The following ABCA7 variants were observed in gnomAD, a reference collection of about 807,000 sequenced individuals.
ABCA7 encodes phospholipid-transporting ATPase ABCA7.
In ABCA7, 261 loss-of-function variants were observed where a neutral mutation model predicts 227.6. The observed-to-expected ratio is 1.15, with a 90% confidence interval of 1.04 to 1.27. The LOEUF is 1.27. ABCA7 is among the 50% of genes most tolerant of loss of function. ABCA7 has a pLI of 0.00. For synonymous variants in ABCA7, 1,488 were observed against 1,279.7 expected (o/e 1.16, Z -3.47); for missense variants, 3,331 against 2,924.5 (o/e 1.14, Z -3.21).
In ABCA7 at chr19:1,054,138, C is replaced by T; in HGVS notation, c.3577+28C>T. ...AAGTCCTTCCCAGTGGCCCTGGGGTCCTCCCAGCCACCCCCCCACAGCAGC... is the reference window on the plus strand; with the variant it reads ...AAGTCCTTCCCAGTGGCCCTGGGGTTCTCCCAGCCACCCCCCCACAGCAGC... On this transcript the variant is annotated intron_variant, in intron 26 of 46. Transcript: ENST00000263094. This position sits in a 1 kb window ranked among gnomAD's most constrained non-coding sequence, Gnocchi z 4.8. The T allele has an allele frequency of 6.2e-7, 1 of 1,612,552 alleles. No homozygotes were observed. The highest frequency in any genetic ancestry group is 8.5e-7 in the Non-Finnish European group (1 of 1,179,694).
rs530287459 is a variant in ABCA7 at position 1,063,854 on chromosome 19, C to G, written c.5942C>G (p.Thr1981Ser). The change falls in exon 44 of 47, where the codon ACC becomes AGC. Residue 1981 changes from threonine to serine, a missense_variant. Thr to Ser is a moderately conservative substitution (Grantham distance 58). Coordinates refer to ENST00000263094, the MANE Select transcript of ABCA7 (RefSeq NM_019112.4). The part of the protein sequence containing the change: ...VVREGRSVML[T>S]SHSMEECEAL... ...CGGGAGGGCCGTTCAGTGATGCTCACCTCCCATAGGTGGGCCGGGCTCTGA... is the reference window on the plus strand; with the variant it reads ...CGGGAGGGCCGTTCAGTGATGCTCAGCTCCCATAGGTGGGCCGGGCTCTGA... The G allele has an allele frequency of 1.3e-6, 2 of 1,536,090 alleles. No individual in the cohort carries two copies. Among genetic ancestry groups the G allele is most frequent in the Admixed American group, 3.9e-5 (2 of 50,808 alleles).
chr19:1,052,100 C>T lies in ABCA7; in HGVS notation c.3121C>T (p.Arg1041Cys), dbSNP rs749438093. 13 of 1,612,136 alleles carry T rather than the reference C, an allele frequency of 8.1e-6. No homozygotes were observed. Among genetic ancestry groups the T allele is most frequent in the East Asian group, 6.7e-5 (3 of 44,828 alleles). Residue 1041 changes from arginine (R) to cysteine (C), a missense_variant, in exon 22 of 47, where the codon CGC (arginine) becomes TGC (cysteine). By Grantham distance (180) the Arg-to-Cys change is radical. Coordinates refer to ENST00000263094, the MANE Select transcript of ABCA7 (RefSeq NM_019112.4). ...CTACTACCTGACGCTGGTGAAGGCC[C>T]GCCTGCCCCTGACCACCAATGAGAA... ...SGYYLTLVKA[R>C]LPLTTNEKAD...
chr19:1,058,314 C>G (rs1358445198), intron 37 of ABCA7, 45 bp downstream of exon 37: 1 of 1,607,912 alleles, frequency 6.2e-7, no homozygotes, highest in Admixed American at 1.7e-5. Flanking sequence ...AGATAGCTAG[C>G]ACCCTTGGAG....
intron 10 of ABCA7, 85 bp downstream of exon 10, chr19:1,043,926 G>A: frequency 5.4e-6 from 6 of 1,113,554 alleles, no homozygotes; most frequent in Non-Finnish European, 7.9e-6. Flanking sequence ...TGGGCTCCGT[G>A]CAGACCCCCA....
rs756103500 is a variant in ABCA7, at chr19:1,045,158, G to A, written c.1372G>A (p.Gly458Ser). Residue 458 changes from glycine (G) to serine (S), a missense_variant, in exon 12 of 47, where the codon GGC (glycine) becomes AGC (serine). Gly to Ser is a moderately conservative substitution (Grantham distance 56, BLOSUM62 0). Transcript: ENST00000263094. ...CACAGAGCACCCAACCCCAGACCTG[G>A]GCCCCGGCCACGTGCGCATCAAAAT... ...DPTEHPTPDL[G>S]PGHVRIKIRM... 12 of 1,612,934 alleles carry A rather than the reference G, an allele frequency of 7.4e-6. No homozygotes were observed. In the East Asian group the frequency reaches 2.7e-4, roughly 36 times the overall value.
At position 1,046,331 on chromosome 19, in the gene ABCA7, G is replaced by C. The variant is rs377020137; in HGVS notation, c.1547G>C (p.Arg516Pro). The change falls in exon 13 of 47, where the codon CGC becomes CCC. Residue 516 changes from arginine (R) to proline (P), a missense_variant. Transcript: ENST00000263094. Reference protein sequence around the residue: ...LQDLVERAAVRVLSGANPRAG... With the variant: ...LQDLVERAAVPVLSGANPRAG... ...GACCTGGTGGAGCGTGCAGCCGTCC[G>C]CGTGCTCAGCGGCGCCAACCCCCGG... The C allele has an allele frequency of 8.3e-5, 133 of 1,602,508 alleles. 1 individual carries two copies. The South Asian group carries it at 9.0e-4, about 11-fold the overall frequency.
chr19:1,042,447 G>A (rs1286194835), intron 6 of ABCA7, 50 bp downstream of exon 6: 1 of 1,602,642 alleles, frequency 6.2e-7, no homozygotes. Context: ...ACTGCACTGG[G>A]GATGTCCTGG....
intron 21 of ABCA7, 147 bp from the exon 22 acceptor site, chr19:1,051,795 G>C: frequency 8.3e-7 from 1 of 1,206,566 alleles, no homozygotes; most frequent in Non-Finnish European, 1.1e-6. Context: ...GGCCAGAAAA[G>C]GTTTCCAACA....
chr19:1,047,425 C>T lies in ABCA7; in HGVS notation c.2068-28C>T, dbSNP rs375087434. ...GATGGGGGACGCCCCCCGCTTCGGCCGCTCACTGACCGCCCGCTTTTCCGC... is the reference window on the plus strand; with the variant it reads ...GATGGGGGACGCCCCCCGCTTCGGCTGCTCACTGACCGCCCGCTTTTCCGC... On this transcript the variant is annotated intron_variant, in intron 15 of 46. Transcript: ENST00000263094. 5.9e-5 allele frequency: 91 copies of T among 1,537,388 alleles called. No homozygotes were observed. In the African/African-American group the frequency reaches 1.1e-3, roughly 19 times the overall value.
At chr19:1,042,561 G>A (rs1568225425) in intron 6 of ABCA7, 164 bp downstream of exon 6, 2 of 1,038,336 alleles carry the variant, frequency 1.9e-6, no homozygotes, top group South Asian at 2.6e-5. Context: ...GACAGAGTGT[G>A]TCTGACCCAG....
rs1568296996 is a variant in ABCA7, at chr19:1,048,965, C to A, written c.2340C>A (p.Pro780=). The change falls in exon 17 of 47, where the codon CCC becomes CCA. Residue 780 remains proline (P), a synonymous_variant. Coordinates refer to ENST00000263094, the MANE Select transcript of ABCA7 (RefSeq NM_019112.4). ...GCTACTGGTGCGGACCTCGGCCCCCCAAGAGTCCAGCCCCTTGCCCCACCC... is the reference window on the plus strand; with the variant it reads ...GCTACTGGTGCGGACCTCGGCCCCCAAAGAGTCCAGCCCCTTGCCCCACCC... ...RRSYWCGPRP[P]KSPAPCPTPL... 3 of 1,608,914 alleles carry A rather than the reference C, an allele frequency of 1.9e-6. No individual in the cohort carries two copies. The highest frequency in any genetic ancestry group is 3.4e-5 in the Admixed American group (2 of 59,600).
At position 1,063,790 on chromosome 19, in the gene ABCA7, G is replaced by A. The variant is rs532727754; in HGVS notation, c.5878G>A (p.Ala1960Thr). 13 of 1,547,008 alleles carry A rather than the reference G, an allele frequency of 8.4e-6. No individual in the cohort carries two copies. The Admixed American group carries it at 1.8e-4, about 21-fold the overall frequency. The change falls in exon 44 of 47, where the codon GCG becomes ACG. Residue 1960 changes from alanine to threonine, a missense_variant. Transcript: ENST00000263094. ...DEPTTGMDPS[A>T]RRFLWNSLLA... ...GCCGACCACAGGCATGGACCCCAGC[G>A]CGCGGCGCTTCCTTTGGAACAGCCT... is the stretch of plus-strand genomic sequence containing the variant.
intron 12 of ABCA7, 90 bp downstream of exon 12, chr19:1,045,321 AC>A: frequency 8.1e-7 from 1 of 1,236,924 alleles, no homozygotes; most frequent in Non-Finnish European, 1.1e-6. Context: ...CCTATTGGAG[AC>A]CATGATAGAC....
At chr19:1,047,046 C>A in intron 14 of ABCA7, 22 bp downstream of exon 14, 1 of 1,552,156 alleles carries the variant, frequency 6.4e-7, no homozygotes. Flanking sequence ...TCGGCCTGCC[C>A]GGCTGCAGAA....
chr19:1,041,848 C>A lies in ABCA7; in HGVS notation c.178C>A (p.Pro60Thr). 6.2e-7 allele frequency: 1 copy of A among 1,606,226 alleles called. No individual in the cohort carries two copies. The change falls in exon 4 of 47, where the codon CCA becomes ACA. Residue 60 changes from proline to threonine, a missense_variant. Transcript: ENST00000263094. ...EHHECHFPNK[P>T]LPSAGTVPWL... is the part of the protein sequence containing the mutation. ...CCCCGCAGGCCACTTCCCAAACAAG[C>A]CACTGCCATCGGCGGGCACCGTGCC...
At chr19:1,063,422 T>A (rs1417640897) in intron 42 of ABCA7, 122 bp from the exon 43 acceptor site, 14 of 1,367,850 alleles carry the variant, frequency 1.0e-5, no homozygotes, top group Non-Finnish European at 1.4e-5. Flanking sequence ...CATTCTCACA[T>A]TTGCCCTGCC....
chr19:1,050,959 C>T lies in ABCA7; in HGVS notation c.2591C>T (p.Ser864Phe). The change falls in exon 19 of 47, where the codon TCT becomes TTT. Residue 864 changes from serine to phenylalanine, a missense_variant. Coordinates refer to ENST00000263094, the MANE Select transcript of ABCA7 (RefSeq NM_019112.4). ...LSGLFPPSGG[S>F]AFILGHDVRS... ...GGCCTCTTCCCACCCAGTGGTGGCT[C>T]TGCCTTCATCCTGGGCCACGACGTC... 6.2e-7 allele frequency: 1 copy of T among 1,611,902 alleles called. No homozygotes were observed. The highest frequency in any genetic ancestry group is 8.5e-7 in the Non-Finnish European group (1 of 1,179,540).
chr19:1,042,434 G>C (rs747299748), intron 6 of ABCA7, 37 bp downstream of exon 6: 1 of 1,608,148 alleles, frequency 6.2e-7, no homozygotes, highest in Admixed American at 1.7e-5. Flanking sequence ...GACTTCCTGG[G>C]ACACTGCACT....
chr19:1,043,151 T>C lies in ABCA7; in HGVS notation c.690T>C (p.Pro230=), dbSNP rs746351667. The C allele has an allele frequency of 3.4e-5, 55 of 1,611,942 alleles. No individual in the cohort carries two copies. Among genetic ancestry groups the C allele is most frequent in the Non-Finnish European group, 4.3e-5 (51 of 1,179,288 alleles). The change falls in exon 8 of 47, where the codon CCT becomes CCC. Residue 230 remains proline (P), a synonymous_variant. Coordinates refer to ENST00000263094, the MANE Select transcript of ABCA7 (RefSeq NM_019112.4). ...LSEALCSVRG[P]SSTVGPSLNW... is the part of the protein sequence containing the mutation. ...AGGCCCTCTGCAGTGTCAGGGGACCTAGCAGCACAGTGGGCCCCTCCCTCA... is the reference window on the plus strand; with the variant it reads ...AGGCCCTCTGCAGTGTCAGGGGACCCAGCAGCACAGTGGGCCCCTCCCTCA...
Sources: allele counts gnomAD v4.1 joint callset, GRCh38; gene constraint gnomAD v4.1.1; non-coding constraint Gnocchi (gnomAD v3.1); transcripts MANE v1.5; gene names NCBI Gene and HGNC (gene_info 2026-07-23, HGNC 2026-07-21).